The following CAPN6 variants were observed in gnomAD, a reference collection of about 807,000 sequenced individuals.
CAPN6 encodes the protein calpain-6.
In CAPN6, 16 loss-of-function variants were observed where a neutral mutation model predicts 46.0. The ratio of observed to expected loss-of-function variants is 0.35; its 90% CI spans 0.24 to 0.53. The LOEUF (loss-of-function observed/expected upper bound fraction) is 0.53. Ranked by LOEUF, CAPN6 falls within the 20% of genes least tolerant of loss-of-function variation. CAPN6 has a pLI of 0.94. For synonymous variants in CAPN6, 206 were observed against 172.8 expected (o/e 1.19, Z -1.51); for missense variants, 461 against 498.0 (o/e 0.93, Z 0.71).
intron 12 of CAPN6, 22 bp downstream of exon 12, chrX:111,247,346 C>A (rs367786168): frequency 3.4e-6 from 4 of 1,162,444 alleles, no homozygotes; most frequent in East Asian, 6.0e-5. Flanking sequence ...GCCTTTCTGG[C>A]GACCCCTGTA....
At chrX:111,263,561 ATG>A (rs1273239137) in intron 2 of CAPN6, among the ~76,000 whole-genome samples, 2 of 111,665 alleles carry the variant, frequency 1.8e-5, no homozygotes, top group Non-Finnish European at 3.8e-5. Flanking sequence ...CACAATGTAT[ATG>A]TATATCAAAA....
chrX:111,267,225 C>G (rs1467949399), intron 1 of CAPN6, among the ~76,000 whole-genome samples: 1 of 111,582 alleles, frequency 9.0e-6, no homozygotes, highest in Non-Finnish European at 1.9e-5. Flanking sequence ...GAGCCTCTAG[C>G]TAACAAAGGC....
At chrX:111,251,459 C>T in intron 6 of CAPN6, 90 bp downstream of exon 6, 1 of 906,623 alleles carries the variant, frequency 1.1e-6, no homozygotes, top group Non-Finnish European at 1.6e-6. Flanking sequence ...TGTCACTGAG[C>T]ATTGACAGCA....
rs2147531571 is a variant in CAPN6 at position 111,251,004 on chromosome X, C to A, written c.1071G>T (p.Leu357Phe). Reference sequence around the variant, plus strand: ...GATCATCATCCACAGTCCAGCATCCCAACACCGATTCCAGCTCCTTTCGGC... The same window carrying A: ...GATCATCATCCACAGTCCAGCATCCAAACACCGATTCCAGCTCCTTTCGGC... ...IFGRKELESVLGCWTVDDDPL... is the reference protein window; with the variant it reads ...IFGRKELESVFGCWTVDDDPL... The change falls in exon 8 of 13, where the codon TTG becomes TTT. Residue 357 changes from leucine (L) to phenylalanine (F), a missense_variant. Physicochemically the swap from Leu to Phe is conservative, Grantham distance 22. Coordinates refer to ENST00000324068, the MANE Select transcript of CAPN6 (RefSeq NM_014289.4). 1 of 1,209,570 alleles carries A rather than the reference C, an allele frequency of 8.3e-7. No homozygotes were observed. The highest frequency in any genetic ancestry group is 1.8e-5 in the South Asian group (1 of 56,761).
At chrX:111,258,801 C>G (rs1433841255) in intron 2 of CAPN6, among the ~76,000 whole-genome samples, 2 of 111,995 alleles carry the variant, frequency 1.8e-5, no homozygotes, top group Non-Finnish European at 3.8e-5. Context: ...ACTCAAGGCA[C>G]AGATCCCGAA....
chrX:111,262,188 C>G (rs185317208), intron 2 of CAPN6, among the ~76,000 whole-genome samples: 1 of 112,043 alleles, frequency 8.9e-6, no homozygotes, highest in African/African-American at 3.2e-5. Context: ...GCTAAGTGAT[C>G]CGCTGGAATG....
Position 111,251,010 on chromosome X carries a change from C to T in CAPN6, c.1065G>A (p.Ser355=), listed in dbSNP as rs752163318. Residue 355 remains serine, a synonymous_variant, in exon 8 of 13, where the codon TCG becomes TCA. Transcript: ENST00000324068. Reference sequence around the variant, plus strand: ...CATCCACAGTCCAGCATCCCAACACCGATTCCAGCTCCTTTCGGCCAAAAA... The same window carrying T: ...CATCCACAGTCCAGCATCCCAACACTGATTCCAGCTCCTTTCGGCCAAAAA... ...NPIFGRKELE[S]VLGCWTVDDD... 8 of 1,209,545 alleles carry T rather than the reference C, an allele frequency of 6.6e-6. No individual in the cohort carries two copies. In the South Asian group the frequency reaches 1.1e-4, roughly 16 times the overall value.
At chrX:111,252,015 C>T (rs891775927) in intron 5 of CAPN6, among the ~76,000 whole-genome samples, 1 of 112,246 alleles carries the variant, frequency 8.9e-6, no homozygotes, top group African/African-American at 3.2e-5. Context: ...ATTTATTGAG[C>T]AAGCAGCCAT....
chrX:111,267,414 G>T (rs756328054), intron 1 of CAPN6, among the ~76,000 whole-genome samples: 34 of 111,490 alleles, frequency 3.0e-4, no homozygotes, highest in African/African-American at 1.0e-3. Context: ...CAAGGCAAAG[G>T]ATAGGAGCGG....
At chrX:111,258,389 T>C (rs1397488224) in intron 2 of CAPN6, among the ~76,000 whole-genome samples, 1 of 111,670 alleles carries the variant, frequency 9.0e-6, no homozygotes, top group East Asian at 2.8e-4. Flanking sequence ...AGTAGGTATA[T>C]TATGAATAAG....
At chrX:111,266,839 C>A (rs946550269) in intron 1 of CAPN6, among the ~76,000 whole-genome samples, 1 of 112,894 alleles carries the variant, frequency 8.9e-6, no homozygotes, top group East Asian at 2.8e-4. Flanking sequence ...TCCTCCAAAG[C>A]AAACATGATA....
At chrX:111,257,101 T>G (rs1411531015) in intron 2 of CAPN6, among the ~76,000 whole-genome samples, 1 of 111,286 alleles carries the variant, frequency 9.0e-6, no homozygotes, top group Non-Finnish European at 1.9e-5. Context: ...GACCTAGGCC[T>G]AAAGTTTTTT....
chrX:111,257,066 C>G (rs2094984466), intron 2 of CAPN6, among the ~76,000 whole-genome samples: 2 of 111,408 alleles, frequency 1.8e-5, no homozygotes, highest in African/African-American at 6.5e-5. Context: ...ACTTGCTACT[C>G]TGATCATCTA....
intron 2 of CAPN6, among the ~76,000 whole-genome samples, chrX:111,260,285 G>A (rs942034691): frequency 2.9e-4 from 32 of 111,431 alleles, no homozygotes; most frequent in African/African-American, 9.8e-4. Context: ...CCGGGGGGGC[G>A]CCAAGGCGGC....
intron 2 of CAPN6, among the ~76,000 whole-genome samples, chrX:111,258,505 T>C (rs1379690698): frequency 8.9e-6 from 1 of 111,910 alleles, no homozygotes; most frequent in East Asian, 2.8e-4. Flanking sequence ...TTATCTTACT[T>C]AGAAAATTGA....
In CAPN6 at chrX:111,255,637, A is replaced by C. The variant is rs755690631; in HGVS notation, c.166-1234T>G. On this transcript the variant is annotated intron_variant, in intron 2 of 12. Transcript: ENST00000324068. ...ACAGCTATATTTTTCTGGTCCTCAA[A>C]CCTCTTTTTTTAATGGCCATAATTC... 3.6e-5 allele frequency among the ~76,000 whole-genome samples: 4 copies of C among 111,726 alleles called. No homozygotes were observed. In the East Asian group the frequency reaches 1.1e-3, roughly 31 times the overall value.
intron 5 of CAPN6, 133 bp from the exon 6 acceptor site, chrX:111,251,875 C>A: frequency 2.0e-6 from 1 of 508,436 alleles, no homozygotes; most frequent in Non-Finnish European, 3.3e-6. Context: ...ATCCTGACAC[C>A]CAACTTGAAA....
Position 111,248,695 on chromosome X carries a change from G to T in CAPN6, c.1358C>A (p.Thr453Asn). Reference protein sequence around the residue: ...ERAGTSTYIDTRTVFLSKYLK... With the variant: ...ERAGTSTYIDNRTVFLSKYLK... The stretch of plus-strand genomic sequence containing the variant: ...GTACTTGCTCAGAAACACTGTGCGG[G>T]TGTCAATATAGGTGGAAGTCCCAGC... The change falls in exon 10 of 13, where the codon ACC becomes AAC. Residue 453 changes from threonine to asparagine, a missense_variant. By Grantham distance (65) the Thr-to-Asn change is moderately conservative. Transcript: ENST00000324068. The T allele has an allele frequency of 8.3e-7, 1 of 1,210,958 alleles. No individual in the cohort carries two copies. The highest frequency in any genetic ancestry group is 1.8e-5 in the South Asian group (1 of 56,956).
chrX:111,252,870 G>A, intron 4 of CAPN6, 138 bp downstream of exon 4: 4 of 487,689 alleles, frequency 8.2e-6, no homozygotes, highest in Middle Eastern at 1.1e-3. Context: ...CAAGTGCAAA[G>A]CAATGCCTTG....
Sources: allele counts gnomAD v4.1 joint callset (sites outside exome capture counted in the v4.1 genomes callset), GRCh38; gene constraint gnomAD v4.1.1; transcripts MANE v1.5; gene names NCBI Gene and HGNC (gene_info 2026-07-23, HGNC 2026-07-21).